The following RANBP3 variants were observed in gnomAD, a reference collection of about 807,000 sequenced individuals.
RANBP3 encodes ran-binding protein 3.
A neutral mutation model predicts 77.3 loss-of-function variants in RANBP3; 14 were observed. The ratio of observed to expected loss-of-function variants is 0.18; its 90% CI spans 0.12 to 0.28. The LOEUF is 0.28. Among genes scored for constraint, RANBP3 ranks in the 10% least tolerant of loss-of-function variants. The probability of loss-of-function intolerance (pLI) is 1.00; values close to 1 mark genes in which losing one functional copy is unlikely to be tolerated. For synonymous variants in RANBP3, 315 were observed against 312.4 expected (o/e 1.01, Z -0.09); for missense variants, 586 against 752.3 (o/e 0.78, Z 2.59).
intron 5 of RANBP3, among the ~76,000 whole-genome samples, chr19:5,935,379 A>T (rs771375412): frequency 1.3e-5 from 2 of 152,276 alleles, no homozygotes; most frequent in Non-Finnish European, 2.9e-5. Context: ...ATCCTGCAGG[A>T]TGCGGGGGTG....
In RANBP3 at chr19:5,952,325, C is replaced by T. The variant is rs1479254137; in HGVS notation, c.79-729G>A. 6.6e-6 allele frequency among the ~76,000 whole-genome samples: 1 copy of T among 152,022 alleles called. No individual in the cohort carries two copies. The highest frequency in any genetic ancestry group is 6.6e-5 in the Admixed American group (1 of 15,264). On this transcript the variant is annotated intron_variant, in intron 2 of 16. Transcript: ENST00000340578. The surrounding 1 kb of genome is among the most constrained non-coding windows in gnomAD (Gnocchi z 4.1). ...ATTCTCCCAGGTGCATCCTCAACACCCCAGGCAAGGGCTCATTTGGAAAGC... is the reference window on the plus strand; with the variant it reads ...ATTCTCCCAGGTGCATCCTCAACACTCCAGGCAAGGGCTCATTTGGAAAGC...
chr19:5,932,594 C>T (rs762277496), intron 6 of RANBP3, 50 bp from the exon 7 acceptor site: 4 of 1,485,778 alleles, frequency 2.7e-6, no homozygotes, highest in Non-Finnish European at 3.8e-6. Context: ...CTGCCTGCCC[C>T]CAGGCGCTTC....
chr19:5,926,620 C>A (rs908796095), intron 9 of RANBP3, among the ~76,000 whole-genome samples: 6 of 152,102 alleles, frequency 3.9e-5, no homozygotes, highest in African/African-American at 1.4e-4. Flanking sequence ...ACTGAGACTG[C>A]GAAGTGCACG....
intron 3 of RANBP3, among the ~76,000 whole-genome samples, chr19:5,948,536 G>A (rs1336161354): frequency 1.3e-5 from 2 of 152,010 alleles, no homozygotes; most frequent in Non-Finnish European, 2.9e-5. Flanking sequence ...TGGCAAGTTA[G>A]AAAACCTGGC....
At chr19:5,948,292 T>C (rs1414733835) in intron 3 of RANBP3, among the ~76,000 whole-genome samples, 1 of 151,278 alleles carries the variant, frequency 6.6e-6, no homozygotes, top group Non-Finnish European at 1.5e-5. Context: ...CTACCAAAAA[T>C]ACAAAAAAAA....
At chr19:5,923,552 G>T (rs2057856471) in intron 12 of RANBP3, among the ~76,000 whole-genome samples, 1 of 152,104 alleles carries the variant, frequency 6.6e-6, no homozygotes, top group Non-Finnish European at 1.5e-5. Flanking sequence ...CAGTCGACGG[G>T]GGGACAGTGA....
At position 5,928,079 on chromosome 19, in the gene RANBP3, C is replaced by T. The variant is rs894094801; in HGVS notation, c.702G>A (p.Glu234=). ...ADEVCALEEK[E]PQKNESSNAS... ...CATTGCTGGACTCATTTTTCTGGGG[C>T]TCTTTCTCCTATCAAAAACCAAAAC... Residue 234 remains glutamate, a synonymous_variant, in exon 9 of 17, where the codon GAG becomes GAA. Coordinates refer to ENST00000340578, the MANE Select transcript of RANBP3 (RefSeq NM_007322.3). The T allele has an allele frequency of 8.7e-6, 14 of 1,608,560 alleles. No individual in the cohort carries two copies. The highest frequency in any genetic ancestry group is 1.3e-5 in the African/African-American group (1 of 74,304).
chr19:5,928,092 C>A lies in RANBP3; in HGVS notation c.694-5G>T. The stretch of plus-strand genomic sequence containing the variant: ...ATTTTTCTGGGGCTCTTTCTCCTAT[C>A]AAAAACCAAAACAAAACAGAGTAAT... On this transcript the variant is annotated splice_region_variant and splice_polypyrimidine_tract_variant and intron_variant, in intron 8 of 16. Coordinates refer to ENST00000340578, the MANE Select transcript of RANBP3 (RefSeq NM_007322.3). 6.2e-7 allele frequency: 1 copy of A among 1,606,370 alleles called. No homozygotes were observed. The highest frequency in any genetic ancestry group is 8.5e-7 in the Non-Finnish European group (1 of 1,177,764).
Position 5,958,255 on chromosome 19 carries a change from A to T in RANBP3, c.23-282T>A, listed in dbSNP as rs1388247552. Among the ~76,000 whole-genome samples the T allele has an allele frequency of 6.6e-6, 1 of 152,142 alleles. No homozygotes were observed. Among genetic ancestry groups the T allele is most frequent in the African/African-American group, 2.4e-5 (1 of 41,440 alleles). ...CACTGAGAGCGGGCGTGTAAATGGG[A>T]GTGGGAGAGCAGCGGAGAGTGTGGC... On this transcript the variant is annotated intron_variant, in intron 1 of 16. Transcript: ENST00000340578. The surrounding 1 kb of genome is among the most constrained non-coding windows in gnomAD (Gnocchi z 4.4).
chr19:5,963,079 G>A (rs2145236016), intron 1 of RANBP3, among the ~76,000 whole-genome samples: 1 of 152,318 alleles, frequency 6.6e-6, no homozygotes. Flanking sequence ...GACCCACCAT[G>A]AAGACCTTTA....
At position 5,952,398 on chromosome 19, in the gene RANBP3, C is replaced by T. The variant is rs1001095647; in HGVS notation, c.79-802G>A. Among the ~76,000 whole-genome samples the T allele has an allele frequency of 2.6e-5, 4 of 152,150 alleles. No homozygotes were observed. The highest frequency in any genetic ancestry group is 9.7e-5 in the African/African-American group (4 of 41,434). ...TCCAGAAGTCTTCCTCCCCACAGTA[C>T]AACACCCAGCATCCTTTAAGGTGGT... On this transcript the variant is annotated intron_variant, in intron 2 of 16. Transcript: ENST00000340578. This position sits in a 1 kb window ranked among gnomAD's most constrained non-coding sequence, Gnocchi z 4.1.
At chr19:5,960,370 G>A (rs1344102053) in intron 1 of RANBP3, among the ~76,000 whole-genome samples, 1 of 152,202 alleles carries the variant, frequency 6.6e-6, no homozygotes, top group Non-Finnish European at 1.5e-5. Context: ...TCCAGCATCT[G>A]TGGAAGAGAC....
rs61461754 is a variant in RANBP3, at chr19:5,952,370, G to A, written c.79-774C>T. ...GAAAGCTGCCAAGGTGAGAGCAGCC[G>A]GTTCCAGAAGTCTTCCTCCCCACAG... On this transcript the variant is annotated intron_variant, in intron 2 of 16. Coordinates refer to ENST00000340578, the MANE Select transcript of RANBP3 (RefSeq NM_007322.3). This position sits in a 1 kb window ranked among gnomAD's most constrained non-coding sequence, Gnocchi z 4.1. 0.018 allele frequency among the ~76,000 whole-genome samples: 2,672 copies of A among 152,220 alleles called. 96 individuals carry two copies. The highest frequency in any genetic ancestry group is 0.061 in the African/African-American group (2,549 of 41,502).
chr19:5,955,164 C>A (rs747915371), intron 2 of RANBP3, among the ~76,000 whole-genome samples: 10 of 152,196 alleles, frequency 6.6e-5, no homozygotes, highest in Admixed American at 2.0e-4. Flanking sequence ...TGGAGTCTCA[C>A]TCTGTCGCCC....
intron 7 of RANBP3, among the ~76,000 whole-genome samples, chr19:5,931,807 G>A (rs1195832060): frequency 6.6e-6 from 1 of 152,130 alleles, no homozygotes; most frequent in Non-Finnish European, 1.5e-5. Context: ...CTGAAGCGGG[G>A]AGAATGCTTG....
intron 14 of RANBP3, among the ~76,000 whole-genome samples, chr19:5,920,280 T>C (rs2057801107): frequency 6.6e-6 from 1 of 152,020 alleles, no homozygotes; most frequent in Non-Finnish European, 1.5e-5. Context: ...GCATCTGTAG[T>C]CCCAGCTACT....
In RANBP3 at chr19:5,959,116, A is replaced by G. The variant is rs2058369675; in HGVS notation, c.23-1143T>C. Among the ~76,000 whole-genome samples, 1 of 152,106 alleles carries G rather than the reference A, an allele frequency of 6.6e-6. No homozygotes were observed. The highest frequency in any genetic ancestry group is 1.5e-5 in the Non-Finnish European group (1 of 68,022). ...AGGGGGCTGTGCTGGGGTCTCAAGA[A>G]GAGCTGGAAGGGAGAGCAGCAGCAG... is the stretch of plus-strand genomic sequence containing the variant. On this transcript the variant is annotated intron_variant, in intron 1 of 16. Transcript: ENST00000340578. This position sits in a 1 kb window ranked among gnomAD's most constrained non-coding sequence, Gnocchi z 5.1.
intron 1 of RANBP3, among the ~76,000 whole-genome samples, chr19:5,971,906 A>G (rs1041256878): frequency 6.6e-6 from 1 of 152,204 alleles, no homozygotes; most frequent in Non-Finnish European, 1.5e-5. Flanking sequence ...ACAATATCCA[A>G]TCTAATCTAT....
rs1471490569 is a variant in RANBP3 at position 5,977,208 on chromosome 19, G to C, written c.22+853C>G. On this transcript the variant is annotated intron_variant, in intron 1 of 16. Transcript: ENST00000340578. ...CCTGCATTTGTGCAACTAGAAAAGGGGGGGAGCTAAAAATAGGCCTCAGAA... is the reference window on the plus strand; with the variant it reads ...CCTGCATTTGTGCAACTAGAAAAGGCGGGGAGCTAAAAATAGGCCTCAGAA... 3.3e-5 allele frequency among the ~76,000 whole-genome samples: 5 copies of C among 152,096 alleles called. No individual in the cohort carries two copies. The South Asian group carries it at 1.0e-3, about 32-fold the overall frequency.
Sources: gnomAD v4.1 joint callset for allele counts (sites outside exome capture counted in the v4.1 genomes callset) on GRCh38, gnomAD v4.1.1 for gene constraint, Gnocchi (gnomAD v3.1) non-coding constraint, MANE v1.5 for transcripts, NCBI Gene and HGNC (gene_info 2026-07-23, HGNC 2026-07-21) for gene names.